EPHB1: variants seen among roughly 807,000 people sequenced by gnomAD.
EPHB1 encodes ephrin type-B receptor 1.
In EPHB1, 30 loss-of-function variants were observed where a neutral mutation model predicts 94.4. The ratio of observed to expected loss-of-function variants is 0.32; its 90% CI spans 0.24 to 0.43. The LOEUF is 0.43. Ranked by LOEUF, EPHB1 falls within the 20% of genes least tolerant of loss-of-function variation. EPHB1 has a pLI of 1.00. For synonymous variants in EPHB1, 522 were observed against 489.1 expected (o/e 1.07, Z -0.89); for missense variants, 1,055 against 1,308.3 (o/e 0.81, Z 2.99).
chr3:135,166,106 T>C (rs1941644961), intron 8 of EPHB1, 30 bp downstream of exon 8: 2 of 1,567,486 alleles, frequency 1.3e-6, no homozygotes, highest in African/African-American at 1.4e-5. Context: ...TTGCTCTCCT[T>C]GGACCCAGGA....
chr3:135,166,845 G>A lies in EPHB1; in HGVS notation c.1695-97G>A, dbSNP rs1391082769. On this transcript the variant is annotated intron_variant, in intron 8 of 15. Transcript: ENST00000398015. Reference sequence around the variant, plus strand: ...GTCCCTAATCCTGGGAGATGCCCCGGGTGAGCCCCTATCTGGCCTGGGGCC... The same window carrying A: ...GTCCCTAATCCTGGGAGATGCCCCGAGTGAGCCCCTATCTGGCCTGGGGCC... 8 of 1,292,896 alleles carry A rather than the reference G, an allele frequency of 6.2e-6. No individual in the cohort carries two copies. In the Admixed American group the frequency reaches 9.2e-5, roughly 15 times the overall value. The allele number at this position is 1,292,896 out of a possible 1,614,324, so 80.1% of individuals were successfully genotyped here.
intron 1 of EPHB1, among the ~76,000 whole-genome samples, chr3:134,906,876 A>G (rs947330338): frequency 9.9e-5 from 15 of 152,192 alleles, no homozygotes; most frequent in African/African-American, 3.6e-4. Context: ...CCACCATTCA[A>G]CTGATGGTGT....
intron 1 of EPHB1, among the ~76,000 whole-genome samples, chr3:134,806,825 A>G (rs1578100438): frequency 6.6e-6 from 1 of 152,302 alleles, no homozygotes; most frequent in African/African-American, 2.4e-5. Context: ...GGGAACAGAC[A>G]GGCATGAAAA....
intron 3 of EPHB1, among the ~76,000 whole-genome samples, chr3:135,032,724 A>G (rs1936519416): frequency 6.6e-6 from 1 of 152,226 alleles, no homozygotes; most frequent in Non-Finnish European, 1.5e-5. Flanking sequence ...CAGATGCCTT[A>G]CAATTTTTAA....
chr3:135,089,647 C>T (rs149549226), intron 3 of EPHB1, among the ~76,000 whole-genome samples: 224 of 152,280 alleles, frequency 1.5e-3, no homozygotes, highest in Non-Finnish European at 2.5e-3. Context: ...TGAGAGTGGG[C>T]ACAGGAGAGC....
At position 135,230,626 on chromosome 3, in the gene EPHB1, G is replaced by A. The variant is rs1001661733; in HGVS notation, c.2347-10522G>A. On this transcript the variant is annotated intron_variant, in intron 12 of 15. Coordinates refer to ENST00000398015, the MANE Select transcript of EPHB1 (RefSeq NM_004441.5). ...ATTTTGGCTTTTACTTTAGATACAC[G>A]AGGTACATGTGTAGGATTGTTACAT... is the stretch of plus-strand genomic sequence containing the variant. Among the ~76,000 whole-genome samples the A allele has an allele frequency of 7.9e-5, 12 of 152,022 alleles. 1 individual carries two copies. The highest frequency in any genetic ancestry group is 5.9e-4 in the Admixed American group (9 of 15,266).
chr3:134,955,126 C>CTTTTTTTTTTTTT (rs1933215058), intron 3 of EPHB1, among the ~76,000 whole-genome samples: 2 of 30,430 alleles, frequency 6.6e-5, no homozygotes, highest in Non-Finnish European at 5.9e-5. Flanking sequence ...TTTAATTATA[C>CTTTTTTTTTTTTT]TCTAAGTTTT....
chr3:135,251,397 G>C (rs13095925), intron 15 of EPHB1, among the ~76,000 whole-genome samples: 11,981 of 152,162 alleles, frequency 0.079, 582 homozygotes, highest in Middle Eastern at 0.19. Context: ...ATTTGACTGC[G>C]TATGGGGGCC....
intron 5 of EPHB1, among the ~76,000 whole-genome samples, chr3:135,145,684 C>T (rs1189007435): frequency 6.6e-6 from 1 of 152,112 alleles, no homozygotes; most frequent in Admixed American, 6.5e-5. Context: ...GGGGAGGGAC[C>T]CAGCCTGCTA....
At chr3:135,107,161 A>G (rs922611390) in intron 4 of EPHB1, among the ~76,000 whole-genome samples, 6 of 152,222 alleles carry the variant, frequency 3.9e-5, no homozygotes, top group African/African-American at 1.4e-4. Flanking sequence ...TGCTCCTGTC[A>G]AATGACAAGA....
chr3:134,800,018 G>A (rs2035908046), intron 1 of EPHB1, among the ~76,000 whole-genome samples: 1 of 152,128 alleles, frequency 6.6e-6, no homozygotes, highest in Non-Finnish European at 1.5e-5. Flanking sequence ...TGAACTCGGG[G>A]CAATGAAAGG....
intron 15 of EPHB1, among the ~76,000 whole-genome samples, chr3:135,255,637 G>C (rs372437861): frequency 8.0e-5 from 12 of 149,680 alleles, no homozygotes; most frequent in African/African-American, 2.2e-4. Flanking sequence ...TTACTTCCAA[G>C]TATGTGGTCA....
At chr3:134,818,289 G>A (rs1016471723) in intron 1 of EPHB1, among the ~76,000 whole-genome samples, 1 of 152,202 alleles carries the variant, frequency 6.6e-6, no homozygotes, top group African/African-American at 2.4e-5. Flanking sequence ...TGTTTAAGAG[G>A]CTGACAGGCA....
intron 7 of EPHB1, among the ~76,000 whole-genome samples, chr3:135,163,407 G>A (rs1279231761): frequency 2.0e-5 from 3 of 152,262 alleles, no homozygotes; most frequent in African/African-American, 4.8e-5. Context: ...GGCCCCTGTA[G>A]GACTGGAGTT....
intron 9 of EPHB1, among the ~76,000 whole-genome samples, chr3:135,178,115 A>G (rs1240945317): frequency 6.6e-6 from 1 of 152,104 alleles, no homozygotes; most frequent in Non-Finnish European, 1.5e-5. Context: ...TCTTTCAGAA[A>G]AAAACTGTTC....
At chr3:135,093,023 G>A (rs1455126379) in intron 3 of EPHB1, among the ~76,000 whole-genome samples, 3 of 152,104 alleles carry the variant, frequency 2.0e-5, no homozygotes, top group Admixed American at 6.6e-5. Context: ...TGATTCCTGC[G>A]TATCTGGAAT....
At position 134,848,397 on chromosome 3, in the gene EPHB1, C is replaced by G. The variant is rs192019367; in HGVS notation, c.58+52708C>G. Reference sequence around the variant, plus strand: ...ATGTTTATAGTGTTGTTAATTATCTCTCTAAGTGGAGAAAATAGAAATTGT... The same window carrying G: ...ATGTTTATAGTGTTGTTAATTATCTGTCTAAGTGGAGAAAATAGAAATTGT... On this transcript the variant is annotated intron_variant, in intron 1 of 15. Transcript: ENST00000398015. Among the ~76,000 whole-genome samples, 33 of 152,260 alleles carry G rather than the reference C, an allele frequency of 2.2e-4. No homozygotes were observed. The East Asian group carries it at 6.2e-3, about 28-fold the overall frequency.
chr3:134,941,853 C>T (rs2039125858), intron 2 of EPHB1, among the ~76,000 whole-genome samples: 1 of 151,776 alleles, frequency 6.6e-6, no homozygotes, highest in Non-Finnish European at 1.5e-5. Context: ...AACAGGCACT[C>T]TAGCAATAGA....
At chr3:135,251,147 AT>A (rs1933070322) in intron 15 of EPHB1, among the ~76,000 whole-genome samples, 1 of 152,018 alleles carries the variant, frequency 6.6e-6, no homozygotes, top group Non-Finnish European at 1.5e-5. Context: ...ATCAGAATAC[AT>A]TTCTTAAAAA....
Sources: allele counts gnomAD v4.1 joint callset (sites outside exome capture counted in the v4.1 genomes callset), GRCh38; gene constraint gnomAD v4.1.1; transcripts MANE v1.5; gene names NCBI Gene and HGNC (gene_info 2026-07-23, HGNC 2026-07-21).